Variants in IGF2 observed in about 807,000 individuals in gnomAD.
The protein encoded by IGF2 is insulin-like growth factor 2.
A neutral mutation model predicts 12.0 loss-of-function variants in IGF2; 2 were observed. That is an observed-to-expected ratio of 0.17 (90% CI 0.07 to 0.52). The LOEUF is 0.52. Among genes scored for constraint, IGF2 ranks in the 20% least tolerant of loss-of-function variants. The pLI is 0.95. For missense variants in IGF2, 211 were observed against 268.0 expected (o/e 0.79, Z 1.48); for synonymous variants, 105 against 110.1 (o/e 0.95, Z 0.29).
At chr11:2,134,980 T>C (rs1315629708) in intron 2 of IGF2, among the ~76,000 whole-genome samples, 1 of 152,174 alleles carries the variant, frequency 6.6e-6, no homozygotes, top group East Asian at 1.9e-4. Context: ...ACGTCCCTTG[T>C]CAGAATGTCC....
rs1858798555 is a variant in IGF2 at position 2,133,811 on chromosome 11, G to A, written c.158-146C>T. The A allele has an allele frequency of 2.1e-6, 2 of 948,832 alleles. No homozygotes were observed. Among genetic ancestry groups the A allele is most frequent in the Admixed American group, 2.8e-5 (1 of 35,684 alleles). The allele number at this position is 948,832 out of a possible 1,614,324, so 58.8% of individuals were successfully genotyped here. A position where few individuals can be genotyped will look rare whatever the true frequency, so the allele number is the denominator to read the frequency against. ...CCTGCGGGTCAGGGGAGGGAAGTGA[G>A]AGCTGGCAGGCAGAGGCGTCCCAGG... On this transcript the variant is annotated intron_variant, in intron 2 of 3. Transcript: ENST00000416167. The surrounding 1 kb of genome is among the most constrained non-coding windows in gnomAD (Gnocchi z 8.9).
upstream of IGF2, among the ~76,000 whole-genome samples, chr11:2,145,320 C>T (rs1472460917): frequency 1.3e-5 from 2 of 152,204 alleles, no homozygotes; most frequent in East Asian, 1.9e-4. Flanking sequence ...TTGAAAGGTG[C>T]CTGTCTGCAA....
At chr11:2,145,282 G>A (rs549649729), upstream of IGF2, among the ~76,000 whole-genome samples, 11 of 152,354 alleles carry the variant, frequency 7.2e-5, no homozygotes, top group East Asian at 1.7e-3. Flanking sequence ...TCTGCAGGGT[G>A]ACTTGTAAAT....
At position 2,133,792 on chromosome 11, in the gene IGF2, G is replaced by A. The variant is rs1590115593; in HGVS notation, c.158-127C>T. The A allele has an allele frequency of 1.8e-6, 2 of 1,134,338 alleles. No individual in the cohort carries two copies. Among genetic ancestry groups the A allele is most frequent in the East Asian group, 5.3e-5 (2 of 37,538 alleles). The allele number at this position is 1,134,338 out of a possible 1,614,324, so 70.3% of individuals were successfully genotyped here. A position where few individuals can be genotyped will look rare whatever the true frequency, so the allele number is the denominator to read the frequency against. On this transcript the variant is annotated intron_variant, in intron 2 of 3. Coordinates refer to ENST00000416167, the MANE Select transcript of IGF2 (RefSeq NM_000612.6). The surrounding 1 kb of genome is among the most constrained non-coding windows in gnomAD (Gnocchi z 8.9). ...CCTGGAAGGACGCAGCCACCCTGCG[G>A]GTCAGGGGAGGGAAGTGAGAGCTGG...
the IGF2 span, chr11:2,149,456 T>G: frequency 4.4e-6 from 4 of 916,074 alleles, no homozygotes; most frequent in Non-Finnish European, 6.7e-6. Context: ...ACTGAAATGA[T>G]GGGTTTACCC....
At position 2,131,620 on chromosome 11, in the gene IGF2, ATG is replaced by A. The variant is rs369407323; in HGVS notation, c.*1365_*1366del. The A allele has an allele frequency of 2.0e-4, 31 of 157,400 alleles. No individual in the cohort carries two copies. The highest frequency in any genetic ancestry group is 8.9e-4 in the South Asian group (3 of 3,388). The allele number at this position is 157,400 out of a possible 1,614,324, so 9.8% of individuals were successfully genotyped here. ...GTGCATGCGTGTGTGCTGTGTGTGCATGTGTGTGCTGTGTGCTGTGTTCATGT... is the reference window on the plus strand; with the variant it reads ...GTGCATGCGTGTGTGCTGTGTGTGCATGTGTGCTGTGTGCTGTGTTCATGT... On this transcript the variant is annotated 3_prime_UTR_variant, in exon 4 of 4. Coordinates refer to ENST00000416167, the MANE Select transcript of IGF2 (RefSeq NM_000612.6).
chr11:2,132,860 G>GTCGCC lies in IGF2; in HGVS notation c.*126_*127insGGCGA. The GTCGCC allele has an allele frequency of 1.5e-6, 1 of 684,606 alleles. No individual in the cohort carries two copies. The highest frequency in any genetic ancestry group is 2.5e-6 in the Non-Finnish European group (1 of 401,494). 42.4% of individuals were successfully genotyped at this position (684,606 alleles called of 1,614,324 possible). ...TCGGGGAGGCGGGGCACGGGGACTG[G>GTCGCC]GTCAGGAGAAGCCCCAGGGGGACGT... is the stretch of plus-strand genomic sequence containing the variant. On this transcript the variant is annotated 3_prime_UTR_variant, in exon 4 of 4. Transcript: ENST00000416167.
Position 2,131,530 on chromosome 11 carries a change from A to AGT in IGF2, c.*1455_*1456dup. 1 of 224,022 alleles carries AGT rather than the reference A, an allele frequency of 4.5e-6. No individual in the cohort carries two copies. Among genetic ancestry groups the AGT allele is most frequent in the Non-Finnish European group, 8.7e-6 (1 of 115,436 alleles). 13.9% of individuals were successfully genotyped at this position (224,022 alleles called of 1,614,324 possible). A position where few individuals can be genotyped will look rare whatever the true frequency, so the allele number is the denominator to read the frequency against. On this transcript the variant is annotated 3_prime_UTR_variant, in exon 4 of 4. Coordinates refer to ENST00000416167, the MANE Select transcript of IGF2 (RefSeq NM_000612.6). ...TGTGTTCATGTATGTGCTGCGCATG[A>AGT]GTGTGTGTGCTGTGTGTGCATGTGT... is the stretch of plus-strand genomic sequence containing the variant.
Position 2,138,917 on chromosome 11 carries a change from T to C in IGF2, c.-695A>G. The C allele has an allele frequency of 4.1e-6, 4 of 984,124 alleles. No homozygotes were observed. The highest frequency in any genetic ancestry group is 3.6e-6 in the Non-Finnish European group (3 of 829,430). The allele number at this position is 984,124 out of a possible 1,614,324, so 61.0% of individuals were successfully genotyped here. A position where few individuals can be genotyped will look rare whatever the true frequency, so the allele number is the denominator to read the frequency against. On this transcript the variant is annotated 5_prime_UTR_variant, in exon 1 of 4. Transcript: ENST00000416167. ...CCCGGACCGCGGGCGCCCAGCTCGGTTTGGGCCGACGGAGCCCTCTGCCGT... is the reference window on the plus strand; with the variant it reads ...CCCGGACCGCGGGCGCCCAGCTCGGCTTGGGCCGACGGAGCCCTCTGCCGT...
rs1038573564 is a variant in IGF2 at position 2,133,362 on chromosome 11, C to G, written c.307-139G>C. Reference sequence around the variant, plus strand: ...TCCACGGGCAGAGGGACAGAAGGAGCCAGCGTCTGAGCTGCTCCCGGGCCA... The same window carrying G: ...TCCACGGGCAGAGGGACAGAAGGAGGCAGCGTCTGAGCTGCTCCCGGGCCA... On this transcript the variant is annotated intron_variant, in intron 3 of 3. Coordinates refer to ENST00000416167, the MANE Select transcript of IGF2 (RefSeq NM_000612.6). This position sits in a 1 kb window ranked among gnomAD's most constrained non-coding sequence, Gnocchi z 8.9. 1 of 1,015,504 alleles carries G rather than the reference C, an allele frequency of 9.8e-7. No homozygotes were observed. Among genetic ancestry groups the G allele is most frequent in the Non-Finnish European group, 1.4e-6 (1 of 703,622 alleles). 62.9% of individuals were successfully genotyped at this position (1,015,504 alleles called of 1,614,324 possible). A position where few individuals can be genotyped will look rare whatever the true frequency, so the allele number is the denominator to read the frequency against.
At position 2,133,240 on chromosome 11, in the gene IGF2, C is replaced by G. The variant is rs548603828; in HGVS notation, c.307-17G>C. On this transcript the variant is annotated splice_polypyrimidine_tract_variant and intron_variant, in intron 3 of 3. Coordinates refer to ENST00000416167, the MANE Select transcript of IGF2 (RefSeq NM_000612.6). The surrounding 1 kb of genome is among the most constrained non-coding windows in gnomAD (Gnocchi z 8.9). ...GAAGTTGTCCTGGGAGGGGAAGGGG[C>G]TGGTCAGCAGGTGCCTGCTCTCCAC... The G allele has an allele frequency of 4.0e-6, 6 of 1,499,924 alleles. No individual in the cohort carries two copies. The East Asian group carries it at 1.4e-4, about 35-fold the overall frequency. The allele number at this position is 1,499,924 out of a possible 1,614,324, so 92.9% of individuals were successfully genotyped here. A position where few individuals can be genotyped will look rare whatever the true frequency, so the allele number is the denominator to read the frequency against.
the IGF2 span, chr11:2,148,732 C>T: frequency 1.4e-5 from 3 of 210,772 alleles, no homozygotes; most frequent in Middle Eastern, 1.8e-3. This position sits in a 1 kb window ranked among gnomAD's most constrained non-coding sequence, Gnocchi z 4.3. Flanking sequence ...GGGGATGCAA[C>T]GGGAGGAAAC....
In IGF2 at chr11:2,130,360, G is replaced by T. The variant is rs887613391; in HGVS notation, c.*2627C>A. ...ACTCCCCTCTGACTTCTCCAAGGGG[G>T]CTCAGTGGCCAGTGCCCCCCAGGAG... is the stretch of plus-strand genomic sequence containing the variant. On this transcript the variant is annotated 3_prime_UTR_variant, in exon 4 of 4. Transcript: ENST00000416167. 8.7e-6 allele frequency: 2 copies of T among 229,030 alleles called. No homozygotes were observed. The highest frequency in any genetic ancestry group is 1.7e-5 in the Non-Finnish European group (2 of 115,526). 14.2% of individuals were successfully genotyped at this position (229,030 alleles called of 1,614,324 possible). A position where few individuals can be genotyped will look rare whatever the true frequency, so the allele number is the denominator to read the frequency against.
upstream of IGF2, chr11:2,140,713 C>T (rs541390519): frequency 1.0e-3 from 471 of 451,110 alleles, 4 homozygotes; most frequent in South Asian, 2.9e-3. Flanking sequence ...AGCCGCAAGT[C>T]CGCAGCCGTG....
chr11:2,140,041 C>A (rs1859451171), upstream of IGF2: 1 of 1,292,188 alleles, frequency 7.7e-7, no homozygotes. Flanking sequence ...AGGCCGGCTG[C>A]GCCGGGCCGA....
chr11:2,140,555 C>T (rs1859501430), upstream of IGF2: 3 of 496,798 alleles, frequency 6.0e-6, no homozygotes. Flanking sequence ...CCGGCGGGAG[C>T]GCCTCTCCTC....
rs1359257765 is a variant in IGF2 at position 2,130,630 on chromosome 11, G to C, written c.*2357C>G. ...GGAAAAATGCCCCAAGAAACAAAGA[G>C]GGGGAATAGATCAATTGACATGAAA... On this transcript the variant is annotated 3_prime_UTR_variant, in exon 4 of 4. Transcript: ENST00000416167. 1 of 218,048 alleles carries C rather than the reference G, an allele frequency of 4.6e-6. No homozygotes were observed. Among genetic ancestry groups the C allele is most frequent in the Non-Finnish European group, 9.1e-6 (1 of 109,418 alleles). The allele number at this position is 218,048 out of a possible 1,614,324, so 13.5% of individuals were successfully genotyped here. A position where few individuals can be genotyped will look rare whatever the true frequency, so the allele number is the denominator to read the frequency against.
rs1240117554 is a variant in IGF2, at chr11:2,137,158, CG to C, written c.-7+1070del. 6.8e-6 allele frequency: 6 copies of C among 881,764 alleles called. No homozygotes were observed. In the East Asian group the frequency reaches 7.2e-4, roughly 106 times the overall value. 54.6% of individuals were successfully genotyped at this position (881,764 alleles called of 1,614,324 possible). A position where few individuals can be genotyped will look rare whatever the true frequency, so the allele number is the denominator to read the frequency against. The stretch of plus-strand genomic sequence containing the variant: ...GCCTCAGGCTGGAGTGGGATGGCAG[CG>C]GGGGTCCTCACTCCACAGCCCTGGT... On this transcript the variant is annotated intron_variant, in intron 1 of 3. Transcript: ENST00000416167.
At chr11:2,140,793 G>A, upstream of IGF2, 1 of 310,722 alleles carries the variant, frequency 3.2e-6, no homozygotes, top group South Asian at 2.4e-5. Flanking sequence ...GACAGCAGCA[G>A]ATGCGGGCCG....
Sources: gnomAD v4.1 joint callset for allele counts (sites outside exome capture counted in the v4.1 genomes callset) on GRCh38, gnomAD v4.1.1 for gene constraint, Gnocchi (gnomAD v3.1) non-coding constraint, MANE v1.5 for transcripts, NCBI Gene and HGNC (gene_info 2026-07-23, HGNC 2026-07-21) for gene names.